Variants in FBXO21 observed in about 807,000 individuals in gnomAD.
The protein encoded by FBXO21 is F-box protein 21.
FBXO21 carries 32 observed loss-of-function variants against 76.6 expected under a neutral mutation model. The ratio of observed to expected loss-of-function variants is 0.42; its 90% CI spans 0.32 to 0.56. FBXO21 has a LOEUF of 0.56. FBXO21 is among the 20% of genes least tolerant of loss of function. FBXO21 has a pLI of 0.16. For synonymous variants in FBXO21, 328 were observed against 311.5 expected (o/e 1.05, Z -0.56); for missense variants, 586 against 797.3 (o/e 0.73, Z 3.19).
rs1351902749 is a variant in FBXO21 at position 117,158,001 on chromosome 12, G to A, written c.1389C>T (p.Tyr463=). The change falls in exon 10 of 12, where the codon TAC becomes TAT. Residue 463 remains tyrosine, a synonymous_variant. Coordinates refer to ENST00000622495, the MANE Select transcript of FBXO21 (RefSeq NM_015002.3). The part of the protein sequence containing the change: ...LDPGQHGAVG[Y]LVQHTLEHIE... ...TGTGCTCTAGAGTGTGCTGCACCAG[G>A]TAGCCCACCGCCCCGTGCTGCCCCG... The A allele has an allele frequency of 3.1e-6, 5 of 1,614,242 alleles. No individual in the cohort carries two copies. Among genetic ancestry groups the A allele is most frequent in the Non-Finnish European group, 4.2e-6 (5 of 1,180,042 alleles).
chr12:117,158,693 G>C (rs1342190506), intron 9 of FBXO21, among the ~76,000 whole-genome samples: 2 of 152,166 alleles, frequency 1.3e-5, no homozygotes. Flanking sequence ...CTAAAATCCT[G>C]CTGGTCACTT....
At chr12:117,189,774 T>C (rs1477652013) in intron 1 of FBXO21, among the ~76,000 whole-genome samples, 1 of 152,028 alleles carries the variant, frequency 6.6e-6, no homozygotes, top group African/African-American at 2.4e-5. Flanking sequence ...AAAAGGGAAG[T>C]CGCTCCCCCC....
rs1956161296 is a variant in FBXO21, at chr12:117,175,207, AAAC to A, written c.593-413_593-411del. ...ATAAGGCAGTTCCTTTAAAAAAACAAAACAACAAAAAAAAACAACTTGAAAGCC... is the reference window on the plus strand; with the variant it reads ...ATAAGGCAGTTCCTTTAAAAAAACAAAACAAAAAAAAACAACTTGAAAGCC... On this transcript the variant is annotated intron_variant, in intron 4 of 11. Transcript: ENST00000622495. 2.6e-5 allele frequency among the ~76,000 whole-genome samples: 4 copies of A among 151,740 alleles called. No homozygotes were observed. The South Asian group carries it at 8.3e-4, about 32-fold the overall frequency.
At chr12:117,183,346 G>A (rs1030512193) in intron 3 of FBXO21, among the ~76,000 whole-genome samples, 1 of 151,398 alleles carries the variant, frequency 6.6e-6, no homozygotes, top group Non-Finnish European at 1.5e-5. Context: ...TGCCTCCCAC[G>A]CCTCCCAGGT....
intron 11 of FBXO21, among the ~76,000 whole-genome samples, chr12:117,148,318 A>C (rs1955802156): frequency 6.6e-6 from 1 of 152,218 alleles, no homozygotes; most frequent in South Asian, 2.1e-4. Context: ...AAATGTATGG[A>C]GGCTGTTTAC....
chr12:117,176,565 ATGGGGCTGGCACTG>A (rs1392056859), intron 4 of FBXO21, among the ~76,000 whole-genome samples: 1 of 152,108 alleles, frequency 6.6e-6, no homozygotes, highest in Non-Finnish European at 1.5e-5. Flanking sequence ...TAGATTTCTA[ATGGGGCTGGCACTG>A]GTATTTTGGC....
intron 2 of FBXO21, 87 bp downstream of exon 2, chr12:117,189,140 C>A (rs554834075): frequency 5.4e-6 from 8 of 1,487,156 alleles, no homozygotes; most frequent in Non-Finnish European, 7.5e-6. Context: ...AAGGGAGATA[C>A]GAAAAGAGCT....
intron 11 of FBXO21, chr12:117,154,313 A>G (rs979059081): frequency 3.3e-5 from 5 of 152,210 alleles, no homozygotes; most frequent in African/African-American, 1.2e-4. Context: ...CTGCAGTTTC[A>G]ACAAACATTT....
intron 3 of FBXO21, among the ~76,000 whole-genome samples, chr12:117,184,785 C>G (rs747230555): frequency 3.3e-5 from 5 of 152,022 alleles, no homozygotes; most frequent in Non-Finnish European, 5.9e-5. Context: ...TGTAACATAC[C>G]ACAAAAGAGT....
intron 11 of FBXO21, among the ~76,000 whole-genome samples, chr12:117,146,771 T>G (rs1156392220): frequency 1.3e-5 from 2 of 152,132 alleles, no homozygotes; most frequent in Non-Finnish European, 2.9e-5. Flanking sequence ...CTTCCAACAC[T>G]GGCCCTTAGC....
In FBXO21 at chr12:117,190,297, G is replaced by T; in HGVS notation, c.160C>A (p.Arg54Ser). The part of the protein sequence containing the change: ...CGSLTAADIG[R>S]VSSTCRRLRE... ...AGCCGCCGGCAGGTGCTGGAGACAC[G>T]GCCGATGTCGGCGGCCGTCAGCGAG... The change falls in exon 1 of 12, where the codon CGT becomes AGT. Residue 54 changes from arginine (R) to serine (S), a missense_variant. Coordinates refer to ENST00000622495, the MANE Select transcript of FBXO21 (RefSeq NM_015002.3). 2 of 1,532,064 alleles carry T rather than the reference G, an allele frequency of 1.3e-6. No homozygotes were observed. Among genetic ancestry groups the T allele is most frequent in the Non-Finnish European group, 1.7e-6 (2 of 1,150,512 alleles). 94.9% of individuals were successfully genotyped at this position (1,532,064 alleles called of 1,614,324 possible).
intron 11 of FBXO21, chr12:117,155,136 T>A (rs1390751201): frequency 6.6e-6 from 1 of 152,360 alleles, no homozygotes; most frequent in Middle Eastern, 3.2e-3. Flanking sequence ...ACTGAATTCA[T>A]CCTATTAAGT....
intron 11 of FBXO21, among the ~76,000 whole-genome samples, chr12:117,154,476 C>T (rs1049030562): frequency 2.6e-4 from 40 of 152,182 alleles, no homozygotes; most frequent in African/African-American, 9.4e-4. Context: ...GCCTTCACTT[C>T]CCAGGCTCAA....
chr12:117,190,165 C>G lies in FBXO21; in HGVS notation c.239+53G>C. 5.7e-6 allele frequency: 6 copies of G among 1,057,536 alleles called. No individual in the cohort carries two copies. In the South Asian group the frequency reaches 2.2e-4, roughly 39 times the overall value. 65.5% of individuals were successfully genotyped at this position (1,057,536 alleles called of 1,614,324 possible). On this transcript the variant is annotated intron_variant, in intron 1 of 11. Coordinates refer to ENST00000622495, the MANE Select transcript of FBXO21 (RefSeq NM_015002.3). Reference sequence around the variant, plus strand: ...AGCTAGCGGGGCGGCTGCCCGGCCCCGGGGGGCGCGGGGCGGTGGGCGCGC... The same window carrying G: ...AGCTAGCGGGGCGGCTGCCCGGCCCGGGGGGGCGCGGGGCGGTGGGCGCGC...
chr12:117,182,971 T>C (rs910980980), intron 3 of FBXO21, among the ~76,000 whole-genome samples: 1 of 152,144 alleles, frequency 6.6e-6, no homozygotes, highest in Non-Finnish European at 1.5e-5. Context: ...CAAGTGCCTG[T>C]AGTCCTAACT....
intron 2 of FBXO21, among the ~76,000 whole-genome samples, chr12:117,187,345 G>C (rs1956293675): frequency 6.7e-6 from 1 of 150,226 alleles, no homozygotes; most frequent in East Asian, 2.0e-4. Context: ...ACTTGAACCT[G>C]GGAGGCAGAG....
At chr12:117,169,943 C>T (rs77135251) in intron 7 of FBXO21, among the ~76,000 whole-genome samples, 4,233 of 151,558 alleles carry the variant, frequency 0.028, 85 homozygotes, top group Non-Finnish European at 0.041. Flanking sequence ...TATATAGTTA[C>T]AAAAAAGAAG....
intron 3 of FBXO21, among the ~76,000 whole-genome samples, chr12:117,180,585 C>G (rs1279584706): frequency 6.6e-6 from 1 of 152,122 alleles, no homozygotes; most frequent in African/African-American, 2.4e-5. Context: ...CTCTCTCATA[C>G]ACACACACCA....
At chr12:117,151,584 C>T (rs1362822671) in intron 11 of FBXO21, among the ~76,000 whole-genome samples, 2 of 152,120 alleles carry the variant, frequency 1.3e-5, no homozygotes, top group Non-Finnish European at 2.9e-5. Flanking sequence ...CACATTAACC[C>T]AGAAATGTTC....
Sources: allele counts gnomAD v4.1 joint callset (sites outside exome capture counted in the v4.1 genomes callset), GRCh38; gene constraint gnomAD v4.1.1; transcripts MANE v1.5; gene names NCBI Gene and HGNC (gene_info 2026-07-23, HGNC 2026-07-21).